The following JAK2 variants were observed in gnomAD, a reference collection of about 807,000 sequenced individuals.
The protein encoded by JAK2 is tyrosine-protein kinase JAK2.
Under a neutral mutation model 139.3 loss-of-function variants are expected in JAK2, and 86 were observed. The observed-to-expected ratio is 0.62, with a 90% CI of 0.52 to 0.74. The LOEUF is 0.74. Among genes scored for constraint, JAK2 ranks in the 30% least tolerant of loss-of-function variants. The probability of loss-of-function intolerance (pLI) is 0.00; values close to 1 mark genes in which losing one functional copy is unlikely to be tolerated. For synonymous variants in JAK2, 490 were observed against 437.7 expected, an observed-to-expected ratio of 1.12 and a Z score of -1.49; for missense variants, 1,421 against 1,360.3, an observed-to-expected ratio of 1.04 and a Z score of -0.70.
Position 5,054,847 on chromosome 9 carries a change from G to C in JAK2, c.899G>C (p.Arg300Thr). ...ITGNGGIQWSRGKHKESETLT... is the reference protein window; with the variant it reads ...ITGNGGIQWSTGKHKESETLT... Reference sequence around the variant, plus strand: ...GGAAACGGTGGAATTCAGTGGTCAAGAGGGAAACATAAAGAAAGTGAGACA... The same window carrying C: ...GGAAACGGTGGAATTCAGTGGTCAACAGGGAAACATAAAGAAAGTGAGACA... Residue 300 changes from arginine to threonine, a missense_variant, in exon 7 of 25, where the codon AGA becomes ACA. By Grantham distance (71) the Arg-to-Thr change is moderately conservative. Transcript: ENST00000381652. This position sits in a 1 kb window ranked among gnomAD's most constrained non-coding sequence, Gnocchi z 4.9. 1.9e-6 allele frequency: 3 copies of C among 1,609,618 alleles called. No individual in the cohort carries two copies. The highest frequency in any genetic ancestry group is 2.5e-6 in the Non-Finnish European group (3 of 1,178,260).
At chr9:5,104,690 C>T (rs905009443) in intron 22 of JAK2, among the ~76,000 whole-genome samples, 8 of 152,230 alleles carry the variant, frequency 5.3e-5, no homozygotes, top group Non-Finnish European at 1.2e-4. Context: ...TCCAGCAGCA[C>T]ATCCAAAAGC....
At chr9:5,060,022 T>A (rs1304779133) in intron 8 of JAK2, among the ~76,000 whole-genome samples, 1 of 152,158 alleles carries the variant, frequency 6.6e-6, no homozygotes, top group African/African-American at 2.4e-5. Flanking sequence ...TAAAGCAAAT[T>A]TTGCAATGAA....
At chr9:5,101,328 G>C (rs1423332360) in intron 22 of JAK2, among the ~76,000 whole-genome samples, 1 of 152,262 alleles carries the variant, frequency 6.6e-6, no homozygotes, top group Non-Finnish European at 1.5e-5. Flanking sequence ...CTGGCAGGCG[G>C]AGGGGCGTCC....
chr9:5,056,601 T>C (rs902240060), intron 8 of JAK2, among the ~76,000 whole-genome samples: 4 of 152,170 alleles, frequency 2.6e-5, no homozygotes. Context: ...TGTGAGCCTT[T>C]TGAAGGTAAG....
chr9:5,020,623 G>C (rs1349893026), intron 2 of JAK2, among the ~76,000 whole-genome samples: 1 of 152,158 alleles, frequency 6.6e-6, no homozygotes, highest in Non-Finnish European at 1.5e-5. Context: ...GCTGTACTCA[G>C]GGTGCATGCA....
At chr9:5,093,465 C>A (rs62543877) in intron 22 of JAK2, among the ~76,000 whole-genome samples, 37,045 of 152,032 alleles carry the variant, frequency 0.24, 4,947 homozygotes, top group South Asian at 0.3. Context: ...CTGTCTCTTA[C>A]GTTTAATCAG....
chr9:5,023,543 T>A (rs1822576465), intron 3 of JAK2, among the ~76,000 whole-genome samples: 1 of 152,108 alleles, frequency 6.6e-6, no homozygotes, highest in Non-Finnish European at 1.5e-5. Flanking sequence ...GGGGCTAGGG[T>A]CTCTCCTGTG....
intron 19 of JAK2, among the ~76,000 whole-genome samples, chr9:5,088,015 G>A (rs764318719): frequency 2.4e-4 from 36 of 152,174 alleles, no homozygotes; most frequent in Non-Finnish European, 4.7e-4. Flanking sequence ...GTTAAGTAGA[G>A]GGGAAGAAGA....
rs536911560 is a variant in JAK2, at chr9:5,086,051, A to G, written c.2572-3623A>G. On this transcript the variant is annotated intron_variant, in intron 19 of 24. Transcript: ENST00000381652. Reference sequence around the variant, plus strand: ...GACAGGCAGGTGTTAAATGCTTCACAAGATTAAAATAGGGTATCTGAGACA... The same window carrying G: ...GACAGGCAGGTGTTAAATGCTTCACGAGATTAAAATAGGGTATCTGAGACA... The G allele has an allele frequency of 1.2e-5, 9 of 737,698 alleles. No individual in the cohort carries two copies. The East Asian group carries it at 2.4e-4, about 19-fold the overall frequency. The allele number at this position is 737,698 out of a possible 1,614,324, so 45.7% of individuals were successfully genotyped here.
rs184244148 is a variant in JAK2 at position 4,996,633 on chromosome 9, A to G, written c.-26+10611A>G. ...TTCATTGCATCAGATCTTCAGTTGT[A>G]ATGATATTGCTGGAATCCACCATTT... is the stretch of plus-strand genomic sequence containing the variant. On this transcript the variant is annotated intron_variant, in intron 2 of 24. Transcript: ENST00000381652. 1.7e-4 allele frequency among the ~76,000 whole-genome samples: 26 copies of G among 151,892 alleles called. 1 individual carries two copies. In the East Asian group the frequency reaches 4.8e-3, roughly 28 times the overall value.
intron 22 of JAK2, among the ~76,000 whole-genome samples, chr9:5,102,254 C>T (rs1821557964): frequency 6.6e-6 from 1 of 152,142 alleles, no homozygotes; most frequent in Non-Finnish European, 1.5e-5. Context: ...GCACAAGCTT[C>T]ACTAGCCGAC....
At chr9:5,055,928 A>G (rs1817733975) in intron 8 of JAK2, 140 bp downstream of exon 8, 2 of 688,432 alleles carry the variant, frequency 2.9e-6, no homozygotes, top group East Asian at 2.9e-5. Flanking sequence ...TCAGTTCAGT[A>G]AACTTTTTGA....
chr9:4,991,477 G>C (rs1434027527), intron 2 of JAK2, among the ~76,000 whole-genome samples: 1 of 152,040 alleles, frequency 6.6e-6, no homozygotes, highest in Non-Finnish European at 1.5e-5. Flanking sequence ...CACTGTTTTG[G>C]AAATCAGGGG....
chr9:5,034,208 G>A (rs1823390003), intron 4 of JAK2, among the ~76,000 whole-genome samples: 1 of 152,130 alleles, frequency 6.6e-6, no homozygotes, highest in South Asian at 2.1e-4. Context: ...AAATATATAT[G>A]CACCCAATAC....
intron 22 of JAK2, chr9:5,099,853 A>G (rs939303221): frequency 6.6e-6 from 1 of 152,190 alleles, no homozygotes; most frequent in Admixed American, 6.5e-5. Context: ...CCAATTATCA[A>G]TAAACCTGGG....
chr9:5,111,348 T>A, intron 22 of JAK2: 1 of 413,810 alleles, frequency 2.4e-6, no homozygotes, highest in Non-Finnish European at 4.7e-6. Context: ...GAAGGGGACC[T>A]CCCGGTACTA....
intron 22 of JAK2, chr9:5,114,865 G>C: frequency 4.4e-6 from 1 of 225,546 alleles, no homozygotes; most frequent in Non-Finnish European, 8.9e-6. Context: ...GGAAGGGCTG[G>C]CCAGACCTTC....
intron 2 of JAK2, among the ~76,000 whole-genome samples, chr9:4,998,063 T>C (rs1433448129): frequency 2.0e-5 from 3 of 152,218 alleles, no homozygotes; most frequent in African/African-American, 7.2e-5. Flanking sequence ...AACTTCTAGA[T>C]TTTTTTGAAT....
At chr9:5,100,017 A>C (rs372404102) in intron 22 of JAK2, 7 of 152,228 alleles carry the variant, frequency 4.6e-5, no homozygotes, top group African/African-American at 1.7e-4. Flanking sequence ...TTCAACCAAT[A>C]GCATTAGCTG....
Sources: gnomAD v4.1 joint callset for allele counts (sites outside exome capture counted in the v4.1 genomes callset) on GRCh38, gnomAD v4.1.1 for gene constraint, Gnocchi (gnomAD v3.1) non-coding constraint, MANE v1.5 for transcripts, NCBI Gene and HGNC (gene_info 2026-07-23, HGNC 2026-07-21) for gene names.